The following CDH4 variants were observed in gnomAD, a reference collection of about 807,000 sequenced individuals.
CDH4 encodes cadherin 4.
In CDH4, 33 loss-of-function variants were observed where a neutral mutation model predicts 86.0. The ratio of observed to expected loss-of-function variants is 0.38; its 90% confidence interval spans 0.29 to 0.51. CDH4 has a LOEUF of 0.51. CDH4 is among the 20% of genes least tolerant of loss of function. CDH4 has a pLI of 0.86. For missense variants in CDH4, 1,114 were observed against 1,307.4 expected (o/e 0.85, Z 2.28); for synonymous variants, 555 against 549.4 (o/e 1.01, Z -0.14).
chr20:61,796,976 G>A (rs7270811), intron 4 of CDH4, among the ~76,000 whole-genome samples: 2,230 of 152,152 alleles, frequency 0.015, 49 homozygotes, highest in African/African-American at 0.051. Flanking sequence ...GCCATACAGC[G>A]CCAGCTGTGG....
intron 2 of CDH4, among the ~76,000 whole-genome samples, chr20:61,619,182 A>G (rs2086749518): frequency 6.6e-6 from 1 of 152,190 alleles, no homozygotes; most frequent in Non-Finnish European, 1.5e-5. Flanking sequence ...ATTGAGGAGC[A>G]GATTGGGGCA....
chr20:61,825,828 T>A (rs1011373692), intron 4 of CDH4, among the ~76,000 whole-genome samples: 1 of 152,216 alleles, frequency 6.6e-6, no homozygotes, highest in African/African-American at 2.4e-5. Context: ...ACACTCCCCA[T>A]GGGCTTCCCC....
chr20:61,561,883 G>A (rs575565982), intron 2 of CDH4, among the ~76,000 whole-genome samples: 29 of 152,260 alleles, frequency 1.9e-4, no homozygotes, highest in Non-Finnish European at 3.5e-4. Flanking sequence ...CTGGGCCCCA[G>A]TGGCTGCATG....
intron 2 of CDH4, among the ~76,000 whole-genome samples, chr20:61,533,240 A>G (rs2085969036): frequency 1.3e-5 from 2 of 152,182 alleles, no homozygotes; most frequent in Non-Finnish European, 2.9e-5. Context: ...GCCACGGCCC[A>G]GACAAGGAGT....
chr20:61,413,969 G>C (rs2085133605), intron 2 of CDH4, among the ~76,000 whole-genome samples: 1 of 152,152 alleles, frequency 6.6e-6, no homozygotes, highest in Non-Finnish European at 1.5e-5. Flanking sequence ...TTTCTCCTGA[G>C]GCTTCTCTCC....
intron 2 of CDH4, among the ~76,000 whole-genome samples, chr20:61,445,269 G>A (rs1311150268): frequency 2.0e-5 from 3 of 152,122 alleles, no homozygotes; most frequent in Non-Finnish European, 2.9e-5. Context: ...CAAGAGGCCT[G>A]TGGAGAGCCA....
At chr20:61,424,231 C>A (rs1600966348) in intron 2 of CDH4, among the ~76,000 whole-genome samples, 1 of 142,366 alleles carries the variant, frequency 7.0e-6, no homozygotes, top group South Asian at 2.2e-4. Context: ...TGTATATACA[C>A]ATATCCACAT....
chr20:61,893,518 G>A (rs1984950485), intron 7 of CDH4, among the ~76,000 whole-genome samples: 1 of 150,606 alleles, frequency 6.6e-6, no homozygotes, highest in South Asian at 2.1e-4. Context: ...TGGATAGATG[G>A]GTGGGCGAAT....
At chr20:61,301,789 G>A (rs1239604750) in intron 2 of CDH4, among the ~76,000 whole-genome samples, 1 of 152,186 alleles carries the variant, frequency 6.6e-6, no homozygotes, top group East Asian at 1.9e-4. Flanking sequence ...AATTGAGGGC[G>A]ATTACAAAAG....
At chr20:61,504,348 G>T (rs1019582417) in intron 2 of CDH4, among the ~76,000 whole-genome samples, 2 of 152,190 alleles carry the variant, frequency 1.3e-5, no homozygotes, top group African/African-American at 2.4e-5. Flanking sequence ...TCGGATTGTG[G>T]TTTTTTTCTC....
intron 4 of CDH4, among the ~76,000 whole-genome samples, chr20:61,804,309 A>T (rs1980004007): frequency 6.6e-6 from 1 of 152,164 alleles, no homozygotes; most frequent in African/African-American, 2.4e-5. Flanking sequence ...GGTGCAGGTG[A>T]GGAGACAGAG....
At chr20:61,479,607 G>A (rs1010274671) in intron 2 of CDH4, among the ~76,000 whole-genome samples, 10 of 152,304 alleles carry the variant, frequency 6.6e-5, no homozygotes, top group African/African-American at 2.4e-4. Context: ...ATATACCATG[G>A]AATACTATGC....
intron 2 of CDH4, among the ~76,000 whole-genome samples, chr20:61,494,177 T>C (rs982897453): frequency 6.6e-6 from 1 of 152,154 alleles, no homozygotes; most frequent in African/African-American, 2.4e-5. Flanking sequence ...GGTCCCAGGT[T>C]CTGACTTAAA....
In CDH4 at chr20:61,895,014, G is replaced by A. The variant is rs756029114; in HGVS notation, c.1155G>A (p.Val385=). Residue 385 remains valine, a synonymous_variant, in exon 8 of 16, where the codon GTG becomes GTA. Coordinates refer to ENST00000614565, the MANE Select transcript of CDH4 (RefSeq NM_001794.5). Reference sequence around the variant, plus strand: ...CAGCCATCATCACGGTGACAGATGTGAATGACAACCCGCCAGAATTTACCG... The same window carrying A: ...CAGCCATCATCACGGTGACAGATGTAAATGACAACCCGCCAGAATTTACCG... ...TATAIITVTD[V]NDNPPEFTAS... The A allele has an allele frequency of 6.2e-7, 1 of 1,613,910 alleles. No individual in the cohort carries two copies. Among genetic ancestry groups the A allele is most frequent in the Non-Finnish European group, 8.5e-7 (1 of 1,180,008 alleles).
chr20:61,256,270 G>C (rs1360009472), intron 2 of CDH4, among the ~76,000 whole-genome samples: 3 of 152,216 alleles, frequency 2.0e-5, no homozygotes, highest in African/African-American at 7.2e-5. Context: ...CTGTGTGCAT[G>C]TCCTGCTGTG....
Position 61,516,917 on chromosome 20 carries a change from C to T in CDH4, c.170-226646C>T, listed in dbSNP as rs893818160. 1.3e-4 allele frequency among the ~76,000 whole-genome samples: 20 copies of T among 152,188 alleles called. No homozygotes were observed. The highest frequency in any genetic ancestry group is 4.1e-4 in the African/African-American group (17 of 41,444). On this transcript the variant is annotated intron_variant, in intron 2 of 15. Transcript: ENST00000614565. The surrounding 1 kb of genome is among the most constrained non-coding windows in gnomAD (Gnocchi z 4.0). ...TCAGCCTGTCAACTTTTCAACTCCT[C>T]CAGCGAGTCCTGTGTTTGTAACATG...
chr20:61,829,300 T>A lies in CDH4; in HGVS notation c.577-15368T>A, dbSNP rs527854424. ...CGGCTTCTTTCGCTGAGCATAATGT[T>A]TTCAAGGTTCAGCCATGCTGCAGCT... On this transcript the variant is annotated intron_variant, in intron 4 of 15. Coordinates refer to ENST00000614565, the MANE Select transcript of CDH4 (RefSeq NM_001794.5). This position sits in a 1 kb window ranked among gnomAD's most constrained non-coding sequence, Gnocchi z 4.2. 1.2e-4 allele frequency among the ~76,000 whole-genome samples: 19 copies of A among 152,368 alleles called. 1 individual carries two copies. The South Asian group carries it at 3.7e-3, about 30-fold the overall frequency.
At chr20:61,352,406 G>A (rs1223599964) in intron 2 of CDH4, among the ~76,000 whole-genome samples, 1 of 152,192 alleles carries the variant, frequency 6.6e-6, no homozygotes, top group East Asian at 1.9e-4. Flanking sequence ...CCTCATGAGA[G>A]CCAGTGTTTT....
intron 2 of CDH4, among the ~76,000 whole-genome samples, chr20:61,609,048 T>C (rs2086665251): frequency 6.6e-6 from 1 of 152,180 alleles, no homozygotes; most frequent in Non-Finnish European, 1.5e-5. Flanking sequence ...TTTTCCTGAA[T>C]CACAAGCCAG....
Sources: gnomAD v4.1 joint callset for allele counts (sites outside exome capture counted in the v4.1 genomes callset) on GRCh38, gnomAD v4.1.1 for gene constraint, Gnocchi (gnomAD v3.1) non-coding constraint, MANE v1.5 for transcripts, NCBI Gene and HGNC (gene_info 2026-07-23, HGNC 2026-07-21) for gene names.